NTAQ1: variants seen among roughly 807,000 people sequenced by gnomAD.
The protein encoded by NTAQ1 is protein N-terminal glutamine amidohydrolase.
A neutral mutation model predicts 28.2 loss-of-function variants in NTAQ1; 21 were observed. The observed-to-expected ratio is 0.74, with a 90% CI of 0.53 to 1.07. The LOEUF (loss-of-function observed/expected upper bound fraction) is 1.07, where lower values mean the gene tolerates loss of function less well. Among genes scored for constraint, NTAQ1 ranks in the 50% least tolerant of loss-of-function variants. The pLI is 0.00. For missense variants in NTAQ1, 264 were observed against 256.6 expected (o/e 1.03, Z -0.20); for synonymous variants, 105 against 90.0 (o/e 1.17, Z -0.94).
chr8:123,416,961 TCTC>T, intron 1 of NTAQ1, 29 bp downstream of exon 1: 1 of 1,423,036 alleles, frequency 7.0e-7, no homozygotes, highest in Non-Finnish European at 9.2e-7. Context: ...AGCCTCTGGG[TCTC>T]CCAGGCTCCC....
At chr8:123,436,730 A>G (rs1208319550) in intron 4 of NTAQ1, 129 bp downstream of exon 4, 4 of 975,640 alleles carry the variant, frequency 4.1e-6, no homozygotes, top group Non-Finnish European at 5.9e-6. Context: ...GTTGATGTTT[A>G]AGAATGATGT....
downstream of NTAQ1, among the ~76,000 whole-genome samples, chr8:123,473,722 G>T (rs1222213409): frequency 6.6e-6 from 1 of 152,150 alleles, no homozygotes; most frequent in East Asian, 1.9e-4. Flanking sequence ...CTTTCAAGCG[G>T]TAAGTAATTT....
chr8:123,474,061 A>G (rs1816067860), downstream of NTAQ1, among the ~76,000 whole-genome samples: 1 of 152,216 alleles, frequency 6.6e-6, no homozygotes, highest in African/African-American at 2.4e-5. Context: ...TAGTACAGAC[A>G]ATTCCCATAT....
chr8:123,449,101 C>T (rs538651515), downstream of NTAQ1, among the ~76,000 whole-genome samples: 15 of 152,276 alleles, frequency 9.9e-5, no homozygotes, highest in African/African-American at 3.6e-4. Context: ...CTGGGGGCCC[C>T]ATGTGGCTCT....
chr8:123,442,126 G>A lies in NTAQ1; in HGVS notation c.*711G>A, dbSNP rs1226880312. The A allele has an allele frequency of 6.6e-6, 1 of 152,128 alleles. No individual in the cohort carries two copies. The highest frequency in any genetic ancestry group is 2.4e-5 in the African/African-American group (1 of 41,398). The allele number at this position is 152,128 out of a possible 1,614,324, so 9.4% of individuals were successfully genotyped here. A position where few individuals can be genotyped will look rare whatever the true frequency, so the allele number is the denominator to read the frequency against. ...GCTTTAAAAAATATTTATTACATGT[G>A]CCTTCTGGAAGACATCTTGGTTATT... On this transcript the variant is annotated 3_prime_UTR_variant, in exon 6 of 6. Coordinates refer to ENST00000287387, the MANE Select transcript of NTAQ1 (RefSeq NM_018024.3).
intron 1 of NTAQ1, among the ~76,000 whole-genome samples, chr8:123,427,578 G>A (rs13269269): frequency 6.6e-6 from 1 of 151,836 alleles, no homozygotes; most frequent in African/African-American, 2.4e-5. Flanking sequence ...TTTGTCAAAG[G>A]TTCTTACCTT....
At chr8:123,429,961 C>T (rs376256758) in intron 2 of NTAQ1, 22 bp from the exon 3 acceptor site, 20 of 1,567,160 alleles carry the variant, frequency 1.3e-5, no homozygotes, top group Non-Finnish European at 1.5e-5. Flanking sequence ...GTATGGCTTA[C>T]GAAATGTATT....
At chr8:123,446,919 G>T (rs13255484), downstream of NTAQ1, among the ~76,000 whole-genome samples, 55,104 of 152,032 alleles carry the variant, frequency 0.36, 10,099 homozygotes, top group East Asian at 0.56. Flanking sequence ...ACAACAACAT[G>T]GGGGAAGCCT....
chr8:123,424,303 C>G (rs1002815584), intron 1 of NTAQ1, among the ~76,000 whole-genome samples: 4 of 151,152 alleles, frequency 2.6e-5, no homozygotes, highest in African/African-American at 9.7e-5. Flanking sequence ...AGTGCAGTAG[C>G]ACGATCTCAG....
chr8:123,419,736 C>CTCCCTCCCTCCT (rs1813549957), intron 1 of NTAQ1, among the ~76,000 whole-genome samples: 1 of 65,166 alleles, frequency 1.5e-5, no homozygotes, highest in African/African-American at 4.8e-5. Context: ...ATCCACAGCC[C>CTCCCTCCCTCCT]TCCCTCCCTC....
At chr8:123,449,919 G>GTGTGTA (rs1402387215), downstream of NTAQ1, among the ~76,000 whole-genome samples, 232 of 71,168 alleles carry the variant, frequency 3.3e-3, 6 homozygotes, top group Middle Eastern at 6.8e-3. Context: ...ATATGTGTGT[G>GTGTGTA]TATATATATA....
chr8:123,419,081 G>GTTTTTTTTTTTT (rs762479894), intron 1 of NTAQ1, among the ~76,000 whole-genome samples: 3 of 119,920 alleles, frequency 2.5e-5, no homozygotes, highest in African/African-American at 3.4e-5. Context: ...AGCTTTGGGG[G>GTTTTTTTTTTTT]TTTTTTTTTT....
intron 4 of NTAQ1, 66 bp downstream of exon 4, chr8:123,436,667 C>CTT (rs10590897): frequency 1.1e-4 from 143 of 1,352,670 alleles, no homozygotes; most frequent in South Asian, 2.5e-4. Context: ...CACAGAGGTT[C>CTT]TTTTTTTTTT....
At chr8:123,449,953 A>G (rs1460764632), downstream of NTAQ1, among the ~76,000 whole-genome samples, 15 of 20,014 alleles carry the variant, frequency 7.5e-4, 3 homozygotes, top group African/African-American at 1.2e-3. Flanking sequence ...GTGTGTGCAT[A>G]TATATATATA....
intron 2 of NTAQ1, among the ~76,000 whole-genome samples, chr8:123,428,567 A>T (rs1360502543): frequency 1.4e-5 from 2 of 144,928 alleles, no homozygotes; most frequent in Non-Finnish European, 3.0e-5. Context: ...TTTAGGTATC[A>T]ATGTAGACCT....
At chr8:123,432,415 A>C (rs983633384) in intron 3 of NTAQ1, among the ~76,000 whole-genome samples, 1 of 152,036 alleles carries the variant, frequency 6.6e-6, no homozygotes, top group African/African-American at 2.4e-5. Context: ...AGAGGCAGGC[A>C]GATCCCATGA....
downstream of NTAQ1, among the ~76,000 whole-genome samples, chr8:123,452,845 C>A (rs779548187): frequency 1.3e-5 from 2 of 151,970 alleles, no homozygotes; most frequent in Non-Finnish European, 2.9e-5. Context: ...AGGTGGAGAT[C>A]GCACCATTGC....
At chr8:123,428,749 C>T (rs1814222096) in intron 2 of NTAQ1, among the ~76,000 whole-genome samples, 1 of 151,880 alleles carries the variant, frequency 6.6e-6, no homozygotes, top group Non-Finnish European at 1.5e-5. Flanking sequence ...TACAGGTGTC[C>T]CACCACGATG....
chr8:123,471,698 ACT>A (rs1016851986), downstream of NTAQ1, among the ~76,000 whole-genome samples: 1 of 151,848 alleles, frequency 6.6e-6, no homozygotes, highest in Non-Finnish European at 1.5e-5. Flanking sequence ...TCAAGGAGAA[ACT>A]CTCTCTTACT....
Sources: gnomAD v4.1 joint callset for allele counts (sites outside exome capture counted in the v4.1 genomes callset) on GRCh38, gnomAD v4.1.1 for gene constraint, MANE v1.5 for transcripts, NCBI Gene and HGNC (gene_info 2026-07-23, HGNC 2026-07-21) for gene names.